Variants in MAD1L1 observed in about 807,000 individuals in gnomAD.
MAD1L1 encodes mitotic spindle assembly checkpoint protein MAD1.
In MAD1L1, 95 loss-of-function variants were observed where a neutral mutation model predicts 96.9. That is an observed-to-expected ratio of 0.98 (90% CI 0.83 to 1.16). The LOEUF is 1.16. MAD1L1 is among the 50% of genes most tolerant of loss of function. The probability of loss-of-function intolerance (pLI) is 0.00; values close to 1 mark genes in which losing one functional copy is unlikely to be tolerated. For missense variants in MAD1L1, 1,007 were observed against 954.4 expected, an observed-to-expected ratio of 1.06 and a Z score of -0.73; for synonymous variants, 473 against 396.6, an observed-to-expected ratio of 1.19 and a Z score of -2.29.
intron 10 of MAD1L1, among the ~76,000 whole-genome samples, chr7:2,161,983 C>CCCCA: frequency 2.0e-5 from 3 of 146,756 alleles, no homozygotes; most frequent in Admixed American, 2.0e-4. Flanking sequence ...GGGGGGCGGC[C>CCCCA]CCCGCCCATC....
chr7:1,962,570 T>A (rs749638719), intron 15 of MAD1L1, among the ~76,000 whole-genome samples: 1 of 152,208 alleles, frequency 6.6e-6, no homozygotes, highest in Non-Finnish European at 1.5e-5. Context: ...AAAGGCCTTG[T>A]ATCCAGAACA....
intron 15 of MAD1L1, among the ~76,000 whole-genome samples, chr7:1,974,305 A>G (rs1780534755): frequency 6.6e-6 from 1 of 152,252 alleles, no homozygotes; most frequent in African/African-American, 2.4e-5. Flanking sequence ...TGGCACAGGC[A>G]GCTGGGACCA....
intron 15 of MAD1L1, among the ~76,000 whole-genome samples, chr7:1,959,342 A>G (rs1779857469): frequency 6.6e-6 from 1 of 152,238 alleles, no homozygotes; most frequent in African/African-American, 2.4e-5. Flanking sequence ...TTCATGAGGC[A>G]TAAAATTCAT....
intron 10 of MAD1L1, among the ~76,000 whole-genome samples, chr7:2,206,596 ATTC>A (rs933033831): frequency 7.3e-4 from 111 of 152,362 alleles, no homozygotes; most frequent in African/African-American, 2.6e-3. Flanking sequence ...TCAACACTGT[ATTC>A]TTCAATCATT....
Position 2,009,375 on chromosome 7 carries a change from C to G in MAD1L1, c.1359+5127G>C, listed in dbSNP as rs542147336. Among the ~76,000 whole-genome samples the G allele has an allele frequency of 2.0e-5, 3 of 152,326 alleles. 1 individual carries two copies. Among genetic ancestry groups the G allele is most frequent in the African/African-American group, 7.2e-5 (3 of 41,560 alleles). On this transcript the variant is annotated intron_variant, in intron 13 of 18. Coordinates refer to ENST00000265854, the MANE Select transcript of MAD1L1 (RefSeq NM_001013836.2). ...CCAGGCACAGACCCCACACACGGTA[C>G]AAAGGCTGGAGCTAGGGGAAGGCAG...
In MAD1L1 at chr7:1,882,403, C is replaced by T. The variant is rs750962727; in HGVS notation, c.1998+15797G>A. ...ATTCAAATTAAGCTGTCTGTGTAGA[C>T]CTCATTGCTCCAGCGGGAGATGGGA... On this transcript the variant is annotated intron_variant, in intron 18 of 18. Coordinates refer to ENST00000265854, the MANE Select transcript of MAD1L1 (RefSeq NM_001013836.2). Among the ~76,000 whole-genome samples the T allele has an allele frequency of 1.7e-4, 26 of 151,698 alleles. 1 individual carries two copies. Among genetic ancestry groups the T allele is most frequent in the Non-Finnish European group, 3.1e-4 (21 of 67,890 alleles).
At chr7:2,015,427 C>T (rs1273688178) in intron 12 of MAD1L1, among the ~76,000 whole-genome samples, 1 of 152,234 alleles carries the variant, frequency 6.6e-6, no homozygotes, top group Non-Finnish European at 1.5e-5. Context: ...GGCAGAAACC[C>T]CTGCTCAGTT....
chr7:1,888,472 C>A (rs1408652026), intron 18 of MAD1L1, among the ~76,000 whole-genome samples: 1 of 142,106 alleles, frequency 7.0e-6, no homozygotes, highest in Non-Finnish European at 1.5e-5. Flanking sequence ...ATGTGGCTGC[C>A]TGTTCATGTG....
intron 11 of MAD1L1, among the ~76,000 whole-genome samples, chr7:2,111,457 G>A (rs796511095): frequency 2.6e-5 from 4 of 152,350 alleles, no homozygotes; most frequent in African/African-American, 9.6e-5. Context: ...AAAGTCACCG[G>A]AGAACAGAGA....
intron 10 of MAD1L1, among the ~76,000 whole-genome samples, chr7:2,177,569 T>C (rs1391801732): frequency 1.3e-5 from 2 of 152,246 alleles, no homozygotes; most frequent in East Asian, 3.8e-4. Flanking sequence ...AATTTTTTAA[T>C]CGCCTTTTTA....
intron 12 of MAD1L1, among the ~76,000 whole-genome samples, chr7:2,026,840 A>G (rs1562618887): frequency 2.6e-5 from 4 of 152,232 alleles, no homozygotes; most frequent in Admixed American, 6.5e-5. Flanking sequence ...ATAAATATCA[A>G]TTATCTACAT....
chr7:2,074,499 C>G (rs1186682463), intron 11 of MAD1L1, among the ~76,000 whole-genome samples: 1 of 152,208 alleles, frequency 6.6e-6, no homozygotes, highest in African/African-American at 2.4e-5. Flanking sequence ...GGGCCTGGAC[C>G]CAGGCCTCTG....
At chr7:2,208,110 C>T (rs527739048) in intron 10 of MAD1L1, among the ~76,000 whole-genome samples, 40 of 152,276 alleles carry the variant, frequency 2.6e-4, no homozygotes, top group Middle Eastern at 3.4e-3. Context: ...GTCTCAGTTG[C>T]GTCTTAAGCT....
At chr7:2,185,155 T>C (rs994899341) in intron 10 of MAD1L1, among the ~76,000 whole-genome samples, 1 of 152,182 alleles carries the variant, frequency 6.6e-6, no homozygotes, top group Non-Finnish European at 1.5e-5. Flanking sequence ...AGGAGGTGAT[T>C]GCTCGGAGAA....
intron 16 of MAD1L1, among the ~76,000 whole-genome samples, chr7:1,950,868 G>C (rs1223321246): frequency 1.3e-5 from 2 of 152,268 alleles, no homozygotes; most frequent in Non-Finnish European, 2.9e-5. Flanking sequence ...TCAGCTCACA[G>C]CACATCGCCT....
chr7:1,882,695 A>G (rs1183165313), intron 18 of MAD1L1, among the ~76,000 whole-genome samples: 1 of 152,204 alleles, frequency 6.6e-6, no homozygotes, highest in Non-Finnish European at 1.5e-5. Flanking sequence ...CTGGGTGGGC[A>G]TGACATGGGC....
intron 11 of MAD1L1, chr7:2,079,656 C>T (rs1189518208): frequency 2.1e-6 from 1 of 470,852 alleles, no homozygotes; most frequent in Non-Finnish European, 4.4e-6. Context: ...AATTCACTCC[C>T]AACCATAATG....
chr7:2,107,982 C>A (rs1156472652), intron 11 of MAD1L1, among the ~76,000 whole-genome samples: 1 of 152,032 alleles, frequency 6.6e-6, no homozygotes, highest in African/African-American at 2.4e-5. Flanking sequence ...CGGCACCCCC[C>A]CACCCCCCAC....
intron 10 of MAD1L1, among the ~76,000 whole-genome samples, chr7:2,181,791 T>C (rs1584495507): frequency 6.6e-6 from 1 of 150,818 alleles, no homozygotes; most frequent in South Asian, 2.1e-4. Context: ...ATCAACCGAG[T>C]GGATAAAGAA....
Sources: gnomAD v4.1 joint callset for allele counts (sites outside exome capture counted in the v4.1 genomes callset) on GRCh38, gnomAD v4.1.1 for gene constraint, MANE v1.5 for transcripts, NCBI Gene and HGNC (gene_info 2026-07-23, HGNC 2026-07-21) for gene names.